The following PKHD1 variants were observed in gnomAD, a reference collection of about 807,000 sequenced individuals.
The protein encoded by PKHD1 is fibrocystin.
Under a neutral mutation model 412.0 loss-of-function variants are expected in PKHD1, and 291 were observed. That is an observed-to-expected ratio of 0.71 (90% confidence interval 0.64 to 0.78). The LOEUF (loss-of-function observed/expected upper bound fraction) is 0.78, where lower values mean the gene tolerates loss of function less well. Among genes scored for constraint, PKHD1 ranks in the 30% least tolerant of loss-of-function variants. PKHD1 has a pLI of 0.00. For synonymous variants in PKHD1, 1,777 were observed against 1,821.5 expected (o/e 0.98, Z 0.62); for missense variants, 4,825 against 4,950.7 (o/e 0.97, Z 0.76).
chr6:51,950,868 C>T (rs1220731694), intron 36 of PKHD1, among the ~76,000 whole-genome samples: 1 of 152,152 alleles, frequency 6.6e-6, no homozygotes, highest in East Asian at 1.9e-4. Flanking sequence ...TCTCCAGTTT[C>T]TGAAGGTCAC....
Position 52,070,388 on chromosome 6 carries a change from C to A in PKHD1, c.707+18G>T. 6.4e-7 allele frequency: 1 copy of A among 1,552,406 alleles called. No homozygotes were observed. The highest frequency in any genetic ancestry group is 8.9e-7 in the Non-Finnish European group (1 of 1,124,072). On this transcript the variant is annotated intron_variant, in intron 10 of 66. Transcript: ENST00000371117. ...AAAATGAAGACAAATTTGCCTATTT[C>A]TATACCCAGTTACTTACTTTCCTTT...
In PKHD1 at chr6:51,912,360, C is replaced by A; in HGVS notation, c.6332+6G>T. The A allele has an allele frequency of 6.3e-7, 1 of 1,582,234 alleles. No homozygotes were observed. The highest frequency in any genetic ancestry group is 8.7e-7 in the Non-Finnish European group (1 of 1,151,254). ...ATGTCAACTTAGCCAAGCTGACACT[C>A]AGTACCTCAAAGGTGACTTAAGATA... On this transcript the variant is annotated splice_donor_region_variant and intron_variant, in intron 38 of 66. Transcript: ENST00000371117.
intron 23 of PKHD1, among the ~76,000 whole-genome samples, chr6:52,047,097 G>A (rs745763554): frequency 1.5e-4 from 23 of 152,190 alleles, no homozygotes; most frequent in Non-Finnish European, 2.5e-4. Context: ...CAAAAGGCCA[G>A]GCCAAGGCTG....
chr6:51,987,499 G>T (rs1458232458), intron 35 of PKHD1, among the ~76,000 whole-genome samples: 1 of 152,136 alleles, frequency 6.6e-6, no homozygotes, highest in African/African-American at 2.4e-5. Flanking sequence ...AAAACAAAAC[G>T]CTGGAAAGTG....
intron 53 of PKHD1, among the ~76,000 whole-genome samples, chr6:51,790,666 G>A (rs909473387): frequency 6.6e-6 from 1 of 152,150 alleles, no homozygotes; most frequent in African/African-American, 2.4e-5. Flanking sequence ...AGCAAACCAA[G>A]CATGCTTCTT....
intron 35 of PKHD1, among the ~76,000 whole-genome samples, chr6:51,976,485 G>A (rs1369341791): frequency 1.3e-5 from 2 of 152,196 alleles, no homozygotes; most frequent in African/African-American, 2.4e-5. Context: ...GCCAGGTGCT[G>A]GGGGAAGGAG....
At chr6:52,076,881 A>G (rs1440895271) in intron 5 of PKHD1, among the ~76,000 whole-genome samples, 1 of 152,242 alleles carries the variant, frequency 6.6e-6, no homozygotes, top group East Asian at 1.9e-4. Flanking sequence ...TACTAGGGAA[A>G]CTGAAGATAC....
chr6:51,619,150 G>A lies in PKHD1; in HGVS notation c.12156C>T (p.Ala4052=), dbSNP rs2150238899. Residue 4052 remains alanine, a synonymous_variant, in exon 67 of 67, where the codon GCC becomes GCT. Coordinates refer to ENST00000371117, the MANE Select transcript of PKHD1 (RefSeq NM_138694.4). ...AGAATGCCTCAGTGGCCCCGCAGGA[G>A]GCTTTCTTCTCTTGGGAAAGCCCCA... The part of the protein sequence containing the change: ...GSLGLSQEKK[A]SCGATEAFCL... The A allele has an allele frequency of 3.1e-6, 5 of 1,614,232 alleles. No individual in the cohort carries two copies. The highest frequency in any genetic ancestry group is 4.2e-6 in the Non-Finnish European group (5 of 1,180,036).
chr6:52,006,326 A>G (rs1393838741), intron 35 of PKHD1, among the ~76,000 whole-genome samples: 1 of 149,784 alleles, frequency 6.7e-6, no homozygotes, highest in Non-Finnish European at 1.5e-5. Flanking sequence ...AGGCACCACC[A>G]CGCTGGGCTG....
At chr6:51,977,579 T>C (rs1377315541) in intron 35 of PKHD1, among the ~76,000 whole-genome samples, 2 of 152,192 alleles carry the variant, frequency 1.3e-5, no homozygotes, top group Non-Finnish European at 2.9e-5. Context: ...CCCTTCTTAC[T>C]GCTTCCACCA....
At chr6:51,874,963 G>A (rs2151805852) in intron 46 of PKHD1, among the ~76,000 whole-genome samples, 1 of 74,612 alleles carries the variant, frequency 1.3e-5, no homozygotes, top group Non-Finnish European at 2.4e-5. Flanking sequence ...AGCGCAAGGG[G>A]TCAGGGAGTT....
chr6:51,696,579 TATAA>T (rs1778827404), intron 60 of PKHD1, among the ~76,000 whole-genome samples: 1 of 152,134 alleles, frequency 6.6e-6, no homozygotes, highest in Non-Finnish European at 1.5e-5. Flanking sequence ...TCTATCTCAT[TATAA>T]AGAGTTTATT....
At chr6:51,845,994 G>A (rs1001845498) in intron 50 of PKHD1, among the ~76,000 whole-genome samples, 2 of 152,140 alleles carry the variant, frequency 1.3e-5, no homozygotes, top group Non-Finnish European at 2.9e-5. Flanking sequence ...TACATATCAA[G>A]TGAATAGCCA....
intron 14 of PKHD1, among the ~76,000 whole-genome samples, chr6:52,061,129 T>C (rs895892427): frequency 5.3e-5 from 8 of 152,222 alleles, no homozygotes; most frequent in Admixed American, 1.3e-4. Flanking sequence ...CGTTAAAAAC[T>C]ATGATAAATA....
chr6:52,010,793 A>G (rs1247591957), intron 34 of PKHD1, among the ~76,000 whole-genome samples: 4 of 152,226 alleles, frequency 2.6e-5, no homozygotes, highest in Non-Finnish European at 1.5e-5. Flanking sequence ...AAAAAGGGTA[A>G]CAAACGTCTG....
intron 3 of PKHD1, among the ~76,000 whole-genome samples, 168 bp downstream of exon 3, chr6:52,083,010 C>T (rs1812267010): frequency 6.6e-6 from 1 of 152,180 alleles, no homozygotes; most frequent in Non-Finnish European, 1.5e-5. Flanking sequence ...GCTTCTGTGA[C>T]ATTAGCAAGC....
chr6:52,084,109 C>G (rs1812418037), intron 2 of PKHD1, among the ~76,000 whole-genome samples: 1 of 152,182 alleles, frequency 6.6e-6, no homozygotes, highest in African/African-American at 2.4e-5. Context: ...GAAGGAAAGG[C>G]CAAGTTAAGG....
chr6:51,862,410 G>GT (rs1231892065), intron 48 of PKHD1, among the ~76,000 whole-genome samples: 1 of 152,110 alleles, frequency 6.6e-6, no homozygotes, highest in Non-Finnish European at 1.5e-5. Context: ...CTTTAATTCT[G>GT]TAACCTTTGC....
chr6:51,668,475 A>G (rs1206012647), intron 60 of PKHD1, among the ~76,000 whole-genome samples: 2 of 152,154 alleles, frequency 1.3e-5, no homozygotes, highest in Non-Finnish European at 2.9e-5. Context: ...TAGATATACA[A>G]TCATGTCGTC....
Sources: allele counts gnomAD v4.1 joint callset (sites outside exome capture counted in the v4.1 genomes callset), GRCh38; gene constraint gnomAD v4.1.1; transcripts MANE v1.5; gene names NCBI Gene and HGNC (gene_info 2026-07-23, HGNC 2026-07-21).